The following EYA1 variants were observed in gnomAD, a reference collection of about 807,000 sequenced individuals.
EYA1 encodes EYA transcriptional coactivator and phosphatase 1.
Under a neutral mutation model 82.0 loss-of-function variants are expected in EYA1, and 16 were observed. The observed-to-expected ratio is 0.20, with a 90% CI of 0.13 to 0.30. The LOEUF is 0.30. Among genes scored for constraint, EYA1 ranks in the 10% least tolerant of loss-of-function variants. The pLI is 1.00. For missense variants in EYA1, 633 were observed against 730.7 expected (o/e 0.87, Z 1.54); for synonymous variants, 261 against 264.4 (o/e 0.99, Z 0.12).
chr8:71,405,051 G>C (rs1428693543), intron 2 of EYA1: 2 of 151,596 alleles, frequency 1.3e-5, no homozygotes, highest in African/African-American at 2.4e-5. Flanking sequence ...TAGGATACCT[G>C]AATAAAATTA....
At chr8:71,217,141 AT>A (rs1384536040) in intron 12 of EYA1, 118 bp from the exon 13 acceptor site, 1 of 764,774 alleles carries the variant, frequency 1.3e-6, no homozygotes, top group Non-Finnish European at 2.3e-6. Context: ...TTTTTCAACT[AT>A]GTCAATCAGT....
At chr8:71,505,352 A>G (rs915218242) in intron 2 of EYA1, among the ~76,000 whole-genome samples, 8 of 152,242 alleles carry the variant, frequency 5.3e-5, no homozygotes, top group Non-Finnish European at 1.2e-4. Context: ...ACTAGAGAGT[A>G]CTGCCACACT....
intron 2 of EYA1, chr8:71,530,860 C>T (rs1814211764): frequency 1.3e-5 from 2 of 152,126 alleles, no homozygotes; most frequent in African/African-American, 4.8e-5. Context: ...AAGGGAGACA[C>T]AAGAGGTACA....
intron 2 of EYA1, among the ~76,000 whole-genome samples, chr8:71,467,201 A>G (rs2129197019): frequency 6.6e-6 from 1 of 152,204 alleles, no homozygotes; most frequent in South Asian, 2.1e-4. Flanking sequence ...AATAGATAGA[A>G]TTTAAAACCA....
intron 2 of EYA1, among the ~76,000 whole-genome samples, chr8:71,529,130 A>G (rs1257990540): frequency 6.6e-6 from 1 of 152,252 alleles, no homozygotes; most frequent in Non-Finnish European, 1.5e-5. Flanking sequence ...CATTGAAATA[A>G]TTCTTAGAAT....
At chr8:71,373,887 A>G (rs1828221329) in intron 2 of EYA1, among the ~76,000 whole-genome samples, 1 of 152,182 alleles carries the variant, frequency 6.6e-6, no homozygotes, top group Admixed American at 6.5e-5. Flanking sequence ...ACCAATAAGG[A>G]AAGGATAGTC....
intron 7 of EYA1, among the ~76,000 whole-genome samples, chr8:71,300,602 C>A (rs901662295): frequency 2.6e-5 from 4 of 151,880 alleles, no homozygotes; most frequent in Admixed American, 6.6e-5. Context: ...TGCCATTTAA[C>A]CCAGCAATTT....
chr8:71,529,270 C>T (rs1814069916), intron 2 of EYA1: 1 of 152,160 alleles, frequency 6.6e-6, no homozygotes, highest in East Asian at 1.9e-4. Context: ...ACTACCCCAA[C>T]TCTAGGCCTT....
intron 4 of EYA1, 80 bp from the exon 5 acceptor site, chr8:71,322,348 TC>T: frequency 8.0e-7 from 1 of 1,245,144 alleles, no homozygotes; most frequent in Non-Finnish European, 1.2e-6. Context: ...TGACATATTT[TC>T]AACTATAGGT....
intron 7 of EYA1, among the ~76,000 whole-genome samples, chr8:71,302,491 C>T (rs1170531952): frequency 6.6e-6 from 1 of 151,980 alleles, no homozygotes; most frequent in Non-Finnish European, 1.5e-5. Flanking sequence ...ATAAGTTATA[C>T]TCATTTGCTG....
intron 2 of EYA1, among the ~76,000 whole-genome samples, chr8:71,384,707 A>G (rs1009102014): frequency 2.0e-5 from 3 of 152,234 alleles, no homozygotes; most frequent in Admixed American, 6.5e-5. Context: ...ATCTTTTTCT[A>G]CTAGTATTAT....
At chr8:71,225,145 T>TA in intron 12 of EYA1, 1 of 446,196 alleles carries the variant, frequency 2.2e-6, no homozygotes, top group Admixed American at 2.4e-5. Flanking sequence ...TGTGTATTTA[T>TA]ACTTACTGAT....
chr8:71,242,641 A>G (rs1347838061), intron 12 of EYA1, among the ~76,000 whole-genome samples: 4 of 152,154 alleles, frequency 2.6e-5, no homozygotes, highest in African/African-American at 9.7e-5. Context: ...TAACGTCAAT[A>G]AACAAAAATC....
chr8:71,472,739 T>C (rs12548043), intron 2 of EYA1, among the ~76,000 whole-genome samples: 21,771 of 148,308 alleles, frequency 0.15, 2,890 homozygotes, highest in East Asian at 0.46. Context: ...TTAACCAGTA[T>C]ACCATGCAAG....
intron 11 of EYA1, among the ~76,000 whole-genome samples, chr8:71,248,321 A>G (rs1161749380): frequency 6.6e-6 from 1 of 152,242 alleles, no homozygotes; most frequent in East Asian, 1.9e-4. Context: ...GTTCTAGTTG[A>G]GAGCAGTATT....
chr8:71,338,064 G>A (rs564447288), intron 3 of EYA1, among the ~76,000 whole-genome samples: 3 of 151,932 alleles, frequency 2.0e-5, no homozygotes, highest in East Asian at 1.9e-4. Flanking sequence ...GTCTCTTTAC[G>A]ACAAATCAAA....
At chr8:71,239,128 A>C (rs1812179769) in intron 12 of EYA1, among the ~76,000 whole-genome samples, 1 of 152,186 alleles carries the variant, frequency 6.6e-6, no homozygotes, top group African/African-American at 2.4e-5. Context: ...AGAGCAATAA[A>C]AATTATTCAT....
chr8:71,346,647 A>G (rs796588502), intron 3 of EYA1, among the ~76,000 whole-genome samples: 27 of 152,008 alleles, frequency 1.8e-4, no homozygotes, highest in African/African-American at 6.0e-4. Flanking sequence ...TGAAGTTTCT[A>G]TTTATGAAGC....
intron 3 of EYA1, among the ~76,000 whole-genome samples, chr8:71,349,084 C>G (rs1826041586): frequency 6.6e-6 from 1 of 152,186 alleles, no homozygotes; most frequent in Non-Finnish European, 1.5e-5. Context: ...AATCAGACAG[C>G]TGATGAAATT....
Sources: allele counts gnomAD v4.1 joint callset (sites outside exome capture counted in the v4.1 genomes callset), GRCh38; gene constraint gnomAD v4.1.1; transcripts MANE v1.5; gene names NCBI Gene and HGNC (gene_info 2026-07-23, HGNC 2026-07-21).